The following GPR3 variants were observed in gnomAD, a reference collection of about 807,000 sequenced individuals.
The protein encoded by GPR3 is ACCA orphan receptor.
GPR3 carries 16 observed loss-of-function variants against 18.2 expected under a neutral mutation model. That is an observed-to-expected ratio of 0.88 (90% CI 0.60 to 1.34). The LOEUF is 1.34. Ranked by LOEUF, GPR3 falls within the 40% of genes most tolerant of loss-of-function variation. The probability of loss-of-function intolerance (pLI) is 0.00; values close to 1 mark genes in which losing one functional copy is unlikely to be tolerated. For synonymous variants in GPR3, 183 were observed against 188.9 expected, an observed-to-expected ratio of 0.97 and a Z score of 0.26; for missense variants, 326 against 427.6, an observed-to-expected ratio of 0.76 and a Z score of 2.10.
At chr1:27,392,767 G>C (rs2148084788) in intron 1 of GPR3, 30 bp downstream of exon 1, 1 of 152,348 alleles carries the variant, frequency 6.6e-6, no homozygotes, top group South Asian at 2.1e-4. Context: ...GCGGGCACCA[G>C]GGGTCCTGAA....
Position 27,393,789 on chromosome 1 carries a change from T to G in GPR3, c.-5-5T>G, listed in dbSNP as rs2016512134. On this transcript the variant is annotated splice_region_variant and splice_polypyrimidine_tract_variant and intron_variant, in intron 1 of 1. Coordinates refer to ENST00000374024, the MANE Select transcript of GPR3 (RefSeq NM_005281.4). ...TCAGCTTCTCACAAGGCCTTTCTCC[T>G]GCAGGTACCATGATGTGGGGTGCAG... 1 of 1,526,492 alleles carries G rather than the reference T, an allele frequency of 6.6e-7. No homozygotes were observed. Among genetic ancestry groups the G allele is most frequent in the Non-Finnish European group, 8.8e-7 (1 of 1,136,532 alleles). 94.6% of individuals were successfully genotyped at this position (1,526,492 alleles called of 1,614,324 possible). A position where few individuals can be genotyped will look rare whatever the true frequency, so the allele number is the denominator to read the frequency against.
Position 27,394,887 on chromosome 1 carries a change from C to A in GPR3, c.*96C>A, listed in dbSNP as rs548925966. The A allele has an allele frequency of 1.3e-5, 17 of 1,344,954 alleles. No homozygotes were observed. Among genetic ancestry groups the A allele is most frequent in the Middle Eastern group, 2.0e-4 (1 of 5,032 alleles). 83.3% of individuals were successfully genotyped at this position (1,344,954 alleles called of 1,614,324 possible). The stretch of plus-strand genomic sequence containing the variant: ...TCCAAACCCCCAGCTCCACACCCCC[C>A]AGACCCAGCTGGTTCTGGAGTTCTA... On this transcript the variant is annotated 3_prime_UTR_variant, in exon 2 of 2. Coordinates refer to ENST00000374024, the MANE Select transcript of GPR3 (RefSeq NM_005281.4).
chr1:27,393,953 C>A lies in GPR3; in HGVS notation c.155C>A (p.Thr52Asn), dbSNP rs536093601. 6.8e-6 allele frequency: 11 copies of A among 1,611,420 alleles called. No homozygotes were observed. Among genetic ancestry groups the A allele is most frequent in the African/African-American group, 1.3e-5 (1 of 74,914 alleles). ...AWDVVLCISG[T>N]LVSCENALVV... ...GATGTGGTGCTCTGCATCTCAGGCA[C>A]CCTGGTGTCCTGCGAGAATGCGCTA... The change falls in exon 2 of 2, where the codon ACC (threonine) becomes AAC (asparagine). Residue 52 changes from threonine (T) to asparagine (N), a missense_variant. Thr to Asn is a moderately conservative substitution (Grantham distance 65). Coordinates refer to ENST00000374024, the MANE Select transcript of GPR3 (RefSeq NM_005281.4).
At position 27,394,354 on chromosome 1, in the gene GPR3, G is replaced by A. The variant is rs764449627; in HGVS notation, c.556G>A (p.Val186Met). ...CCTGGATGGCCTGACCACATGTGGCGTGGTTTATCCACTCTCCAAGAACCA... is the reference window on the plus strand; with the variant it reads ...CCTGGATGGCCTGACCACATGTGGCATGGTTTATCCACTCTCCAAGAACCA... ...NCLDGLTTCG[V>M]VYPLSKNHLV... is the part of the protein sequence containing the mutation. Residue 186 changes from valine to methionine, a missense_variant, in exon 2 of 2, where the codon GTG (valine) becomes ATG (methionine). Transcript: ENST00000374024. 4.3e-5 allele frequency: 69 copies of A among 1,613,878 alleles called. No homozygotes were observed. The highest frequency in any genetic ancestry group is 2.9e-4 in the East Asian group (13 of 44,890).
Position 27,395,080 on chromosome 1 carries a change from A to G in GPR3, c.*289A>G, listed in dbSNP as rs1039809705. ...TTTACAGTGCCATTCCAAGTCCCAGATGTCCCTCTTCCCCCAAACTTGACC... is the reference window on the plus strand; with the variant it reads ...TTTACAGTGCCATTCCAAGTCCCAGGTGTCCCTCTTCCCCCAAACTTGACC... On this transcript the variant is annotated 3_prime_UTR_variant, in exon 2 of 2. Transcript: ENST00000374024. 1.6e-5 allele frequency: 7 copies of G among 424,528 alleles called. No homozygotes were observed. Among genetic ancestry groups the G allele is most frequent in the Non-Finnish European group, 3.1e-5 (7 of 229,018 alleles). 26.3% of individuals were successfully genotyped at this position (424,528 alleles called of 1,614,324 possible).
chr1:27,394,807 C>A lies in GPR3; in HGVS notation c.*16C>A. 1 of 1,607,322 alleles carries A rather than the reference C, an allele frequency of 6.2e-7. No homozygotes were observed. The highest frequency in any genetic ancestry group is 1.1e-5 in the South Asian group (1 of 90,088). ...TGATGTCTAGCTGAGTCTTCATGAC[C>A]CTTCAACCCTGATTACTACAGAATT... is the stretch of plus-strand genomic sequence containing the variant. On this transcript the variant is annotated 3_prime_UTR_variant, in exon 2 of 2. Coordinates refer to ENST00000374024, the MANE Select transcript of GPR3 (RefSeq NM_005281.4).
chr1:27,395,102 G>T lies in GPR3; in HGVS notation c.*311G>T. ...CAGATGTCCCTCTTCCCCCAAACTT[G>T]ACCTTGACCATGTCACTTTATGTTT... is the stretch of plus-strand genomic sequence containing the variant. On this transcript the variant is annotated 3_prime_UTR_variant, in exon 2 of 2. Transcript: ENST00000374024. 1 of 390,424 alleles carries T rather than the reference G, an allele frequency of 2.6e-6. No individual in the cohort carries two copies. Among genetic ancestry groups the T allele is most frequent in the Non-Finnish European group, 4.8e-6 (1 of 207,712 alleles). The allele number at this position is 390,424 out of a possible 1,614,324, so 24.2% of individuals were successfully genotyped here. A position where few individuals can be genotyped will look rare whatever the true frequency, so the allele number is the denominator to read the frequency against.
Position 27,393,846 on chromosome 1 carries a change from A to G in GPR3, c.48A>G (p.Ser16=). 1 of 1,576,458 alleles carries G rather than the reference A, an allele frequency of 6.3e-7. No homozygotes were observed. Among genetic ancestry groups the G allele is most frequent in the Non-Finnish European group, 8.6e-7 (1 of 1,157,738 alleles). The stretch of plus-strand genomic sequence containing the variant: ...CTCTGGCCTGGCTCTCAGCTGGCTC[A>G]GGCAACGTGAATGTAAGCAGCGTGG... ...GSPLAWLSAG[S]GNVNVSSVGP... is the part of the protein sequence containing the mutation. The change falls in exon 2 of 2, where the codon TCA becomes TCG. Residue 16 remains serine, a synonymous_variant. Transcript: ENST00000374024.
chr1:27,393,873 CCCAGCAGAGGGGCCCACAGGT>C lies in GPR3; in HGVS notation c.81_101del (p.Glu28_Ala34del), dbSNP rs779773388. ...GCAACGTGAATGTAAGCAGCGTGGG[CCCAGCAGAGGGGCCCACAGGT>C]CCAGCCGCACCACTGCCCTCGCCTA... On this transcript the variant is annotated inframe_deletion, in exon 2 of 2. Transcript: ENST00000374024. The C allele has an allele frequency of 1.2e-5, 19 of 1,601,826 alleles. No individual in the cohort carries two copies. Among genetic ancestry groups the C allele is most frequent in the Non-Finnish European group, 1.6e-5 (19 of 1,172,832 alleles).
At position 27,394,880 on chromosome 1, in the gene GPR3, C is replaced by T. The variant is rs1034186075; in HGVS notation, c.*89C>T. The T allele has an allele frequency of 2.3e-5, 32 of 1,410,064 alleles. No homozygotes were observed. Among genetic ancestry groups the T allele is most frequent in the Non-Finnish European group, 3.0e-5 (31 of 1,018,250 alleles). The allele number at this position is 1,410,064 out of a possible 1,614,324, so 87.3% of individuals were successfully genotyped here. On this transcript the variant is annotated 3_prime_UTR_variant, in exon 2 of 2. Coordinates refer to ENST00000374024, the MANE Select transcript of GPR3 (RefSeq NM_005281.4). ...GCTTCTTTCCAAACCCCCAGCTCCA[C>T]ACCCCCCAGACCCAGCTGGTTCTGG... is the stretch of plus-strand genomic sequence containing the variant.
chr1:27,393,245 T>C (rs1325696818), intron 1 of GPR3, among the ~76,000 whole-genome samples: 5 of 142,616 alleles, frequency 3.5e-5, no homozygotes, highest in African/African-American at 1.3e-4. Context: ...GGGGGCTGAG[T>C]TCCCAGGTGT....
rs1208897021 is a variant in GPR3, at chr1:27,395,215, CA to C, written c.*425del. 1 of 188,000 alleles carries C rather than the reference CA, an allele frequency of 5.3e-6. No individual in the cohort carries two copies. Among genetic ancestry groups the C allele is most frequent in the African/African-American group, 2.4e-5 (1 of 41,930 alleles). 11.6% of individuals were successfully genotyped at this position (188,000 alleles called of 1,614,324 possible). ...GATTATATATGCACATATACAAAGACAGTGTCTATTTATGATTGATTTATTT... is the reference window on the plus strand; with the variant it reads ...GATTATATATGCACATATACAAAGACGTGTCTATTTATGATTGATTTATTT... On this transcript the variant is annotated 3_prime_UTR_variant, in exon 2 of 2. Transcript: ENST00000374024.
chr1:27,393,189 A>G lies in GPR3; in HGVS notation c.-6+452A>G, dbSNP rs548521306. 2.3e-5 allele frequency among the ~76,000 whole-genome samples: 3 copies of G among 128,946 alleles called. No individual in the cohort carries two copies. In the South Asian group the frequency reaches 7.9e-4, roughly 34 times the overall value. 84.6% of individuals were successfully genotyped at this position (128,946 alleles called of 152,430 possible). ...CCCAGAGACCTAGAGATTCAGGCGG[A>G]AAGAAGGGTCCAGCCAGGAACAGAA... On this transcript the variant is annotated intron_variant, in intron 1 of 1. Coordinates refer to ENST00000374024, the MANE Select transcript of GPR3 (RefSeq NM_005281.4).
rs909034317 is a variant in GPR3, at chr1:27,392,752, C to T, written c.-6+15C>T. On this transcript the variant is annotated intron_variant, in intron 1 of 1. Transcript: ENST00000374024. ...GGTCCTGAGCGGTGAGTAGCGGGCCCCGCCGCGGGCACCAGGGGTCCTGAA... is the reference window on the plus strand; with the variant it reads ...GGTCCTGAGCGGTGAGTAGCGGGCCTCGCCGCGGGCACCAGGGGTCCTGAA... The T allele has an allele frequency of 1.3e-5, 2 of 152,148 alleles. No homozygotes were observed. Among genetic ancestry groups the T allele is most frequent in the African/African-American group, 4.8e-5 (2 of 41,446 alleles). 9.4% of individuals were successfully genotyped at this position (152,148 alleles called of 1,614,324 possible). A position where few individuals can be genotyped will look rare whatever the true frequency, so the allele number is the denominator to read the frequency against.
At position 27,394,218 on chromosome 1, in the gene GPR3, T is replaced by A; in HGVS notation, c.420T>A (p.Asn140Lys). ...TCGACCGCTACCTTTCTCTGTACAA[T>A]GCCCTCACCTACTATTCAGAGACAA... ...ITVDRYLSLY[N>K]ALTYYSETTV... Residue 140 changes from asparagine (N) to lysine (K), a missense_variant, in exon 2 of 2, where the codon AAT (asparagine) becomes AAA (lysine). Coordinates refer to ENST00000374024, the MANE Select transcript of GPR3 (RefSeq NM_005281.4). 6.2e-7 allele frequency: 1 copy of A among 1,613,836 alleles called. No individual in the cohort carries two copies. The highest frequency in any genetic ancestry group is 2.2e-5 in the East Asian group (1 of 44,882).
chr1:27,395,012 G>A lies in GPR3; in HGVS notation c.*221G>A. 1 of 548,096 alleles carries A rather than the reference G, an allele frequency of 1.8e-6. No homozygotes were observed. Among genetic ancestry groups the A allele is most frequent in the South Asian group, 2.9e-5 (1 of 34,504 alleles). The allele number at this position is 548,096 out of a possible 1,614,324, so 34.0% of individuals were successfully genotyped here. On this transcript the variant is annotated 3_prime_UTR_variant, in exon 2 of 2. Transcript: ENST00000374024. Reference sequence around the variant, plus strand: ...GGTGGTCAGTGTTCTACTCAGAAATGTCTCACAGCCCAGCTGGGTTGCAAT... The same window carrying A: ...GGTGGTCAGTGTTCTACTCAGAAATATCTCACAGCCCAGCTGGGTTGCAAT...
Position 27,394,231 on chromosome 1 carries a change from T to G in GPR3, c.433T>G (p.Tyr145Asp). 1 of 1,613,716 alleles carries G rather than the reference T, an allele frequency of 6.2e-7. No individual in the cohort carries two copies. Among genetic ancestry groups the G allele is most frequent in the Non-Finnish European group, 8.5e-7 (1 of 1,180,032 alleles). ...YLSLYNALTY[Y>D]SETTVTRTYV... ...TTCTCTGTACAATGCCCTCACCTAC[T>G]ATTCAGAGACAACAGTGACACGGAC... Residue 145 changes from tyrosine to aspartate, a missense_variant, in exon 2 of 2, where the codon TAT (tyrosine) becomes GAT (aspartate). Coordinates refer to ENST00000374024, the MANE Select transcript of GPR3 (RefSeq NM_005281.4).
Position 27,394,937 on chromosome 1 carries a change from G to A in GPR3, c.*146G>A. 2 of 840,120 alleles carry A rather than the reference G, an allele frequency of 2.4e-6. No homozygotes were observed. Among genetic ancestry groups the A allele is most frequent in the Non-Finnish European group, 3.7e-6 (2 of 533,446 alleles). 52.0% of individuals were successfully genotyped at this position (840,120 alleles called of 1,614,324 possible). On this transcript the variant is annotated 3_prime_UTR_variant, in exon 2 of 2. Coordinates refer to ENST00000374024, the MANE Select transcript of GPR3 (RefSeq NM_005281.4). ...AGGACATTGGGTGTTTCAAGGTTCT[G>A]TTCAGATCCCTATGGGGGCCCAGCT... is the stretch of plus-strand genomic sequence containing the variant.
intron 1 of GPR3, among the ~76,000 whole-genome samples, chr1:27,393,480 T>C (rs1226722979): frequency 6.6e-6 from 1 of 152,112 alleles, no homozygotes; most frequent in Admixed American, 6.5e-5. Context: ...CTGGATCCTA[T>C]GGCCCTCTTC....
Sources: gnomAD v4.1 joint callset for allele counts (sites outside exome capture counted in the v4.1 genomes callset) on GRCh38, gnomAD v4.1.1 for gene constraint, MANE v1.5 for transcripts, NCBI Gene and HGNC (gene_info 2026-07-23, HGNC 2026-07-21) for gene names.